ENOPH1: variants seen among roughly 807,000 people sequenced by gnomAD.
The protein encoded by ENOPH1 is enolase-phosphatase 1, also known as enolase-phosphatase E1.
A neutral mutation model predicts 31.1 loss-of-function variants in ENOPH1; 14 were observed. The observed-to-expected ratio is 0.45, with a 90% CI of 0.30 to 0.70. ENOPH1 has a LOEUF of 0.70. Among genes scored for constraint, ENOPH1 ranks in the 30% least tolerant of loss-of-function variants. ENOPH1 has a pLI of 0.09. For synonymous variants in ENOPH1, 127 were observed against 123.2 expected (o/e 1.03, Z -0.21); for missense variants, 243 against 321.5 (o/e 0.76, Z 1.87).
chr4:82,460,689 C>T lies in ENOPH1; in HGVS notation c.*569C>T, dbSNP rs1220790845. On this transcript the variant is annotated 3_prime_UTR_variant, in exon 6 of 6. Transcript: ENST00000273920. The stretch of plus-strand genomic sequence containing the variant: ...ACTTGAGTCTTGATCAAACAAGTGT[C>T]TTTTACTTAAGAAGAAACTTGGTAA... The T allele has an allele frequency of 6.6e-6, 1 of 152,218 alleles. No individual in the cohort carries two copies. Among genetic ancestry groups the T allele is most frequent in the African/African-American group, 2.4e-5 (1 of 41,448 alleles). The allele number at this position is 152,218 out of a possible 1,614,324, so 9.4% of individuals were successfully genotyped here.
chr4:82,431,836 T>C (rs539660128), intron 1 of ENOPH1, among the ~76,000 whole-genome samples: 2 of 152,220 alleles, frequency 1.3e-5, no homozygotes, highest in African/African-American at 4.8e-5. Context: ...GAAAAATCCA[T>C]CTTCCAAGAA....
At chr4:82,440,933 G>C (rs191970058) in intron 1 of ENOPH1, among the ~76,000 whole-genome samples, 13 of 152,264 alleles carry the variant, frequency 8.5e-5, no homozygotes, top group Middle Eastern at 3.4e-3. Context: ...AGGACAGTAG[G>C]ATTTTAATTC....
chr4:82,434,203 G>C (rs189036213), intron 1 of ENOPH1, among the ~76,000 whole-genome samples: 3 of 152,238 alleles, frequency 2.0e-5, no homozygotes, highest in Admixed American at 1.3e-4. Flanking sequence ...TGTTTGTCCT[G>C]TCTCCTTTGC....
intron 1 of ENOPH1, among the ~76,000 whole-genome samples, chr4:82,432,286 A>G (rs1407093183): frequency 5.3e-5 from 8 of 152,204 alleles, no homozygotes; most frequent in Non-Finnish European, 7.3e-5. Flanking sequence ...TAGAAGAATC[A>G]CAGTACCTTG....
chr4:82,439,182 T>C (rs1721980915), intron 1 of ENOPH1, among the ~76,000 whole-genome samples: 1 of 152,218 alleles, frequency 6.6e-6, no homozygotes. Flanking sequence ...AAAGGGGTTG[T>C]TTGCCTTCTA....
At chr4:82,459,112 C>A (rs751511442) in intron 5 of ENOPH1, among the ~76,000 whole-genome samples, 3 of 152,110 alleles carry the variant, frequency 2.0e-5, no homozygotes, top group African/African-American at 7.2e-5. Flanking sequence ...AGATTTCTCA[C>A]CAGTTTTGTT....
At chr4:82,455,679 G>A (rs1482347631) in intron 4 of ENOPH1, among the ~76,000 whole-genome samples, 3 of 151,946 alleles carry the variant, frequency 2.0e-5, no homozygotes, top group East Asian at 1.9e-4. Flanking sequence ...CCAGCTACTC[G>A]GGAGGCTGAG....
At chr4:82,433,310 A>G (rs1049152367) in intron 1 of ENOPH1, among the ~76,000 whole-genome samples, 5 of 152,162 alleles carry the variant, frequency 3.3e-5, no homozygotes, top group Non-Finnish European at 7.3e-5. Context: ...ACTTCTTGGA[A>G]TCTTTGTGTC....
chr4:82,453,152 T>C (rs1367738161), intron 3 of ENOPH1, among the ~76,000 whole-genome samples: 1 of 152,164 alleles, frequency 6.6e-6, no homozygotes, highest in Non-Finnish European at 1.5e-5. Flanking sequence ...CCGCCCCCCC[T>C]TGGCCTCCCA....
chr4:82,459,837 T>A (rs1722598959), intron 5 of ENOPH1, 144 bp from the exon 6 acceptor site: 1 of 735,822 alleles, frequency 1.4e-6, no homozygotes, highest in African/African-American at 1.8e-5. Context: ...AACCCCAGGG[T>A]GCCCATCTTT....
chr4:82,442,357 TA>T (rs933623492), intron 1 of ENOPH1, among the ~76,000 whole-genome samples: 1 of 152,052 alleles, frequency 6.6e-6, no homozygotes, highest in African/African-American at 2.4e-5. Flanking sequence ...CCATCTCTAC[TA>T]AAAATGCAAA....
At chr4:82,459,534 G>T (rs1722584962) in intron 5 of ENOPH1, among the ~76,000 whole-genome samples, 1 of 151,932 alleles carries the variant, frequency 6.6e-6, no homozygotes, top group South Asian at 2.1e-4. Flanking sequence ...CTCAAGTCTG[G>T]CGTTCAAGTG....
intron 1 of ENOPH1, among the ~76,000 whole-genome samples, chr4:82,441,922 T>A (rs60471886): frequency 0.022 from 3,280 of 152,278 alleles, 122 homozygotes; most frequent in African/African-American, 0.074. Context: ...CAGAGAAAGA[T>A]GCTAGGTGAC....
At chr4:82,444,124 C>T (rs887943517) in intron 1 of ENOPH1, among the ~76,000 whole-genome samples, 1 of 152,252 alleles carries the variant, frequency 6.6e-6, no homozygotes, top group Non-Finnish European at 1.5e-5. Flanking sequence ...ATCCACCTGC[C>T]TCGGCCTCCC....
At chr4:82,431,951 C>G (rs1721777883) in intron 1 of ENOPH1, among the ~76,000 whole-genome samples, 1 of 149,310 alleles carries the variant, frequency 6.7e-6, no homozygotes, top group South Asian at 2.1e-4. Context: ...TCACTCTGTT[C>G]CCAGGCTGGA....
rs564781487 is a variant in ENOPH1, at chr4:82,441,590, C to T, written c.85-6330C>T. Among the ~76,000 whole-genome samples, 19 of 152,134 alleles carry T rather than the reference C, an allele frequency of 1.2e-4. No individual in the cohort carries two copies. In the East Asian group the frequency reaches 3.1e-3, roughly 25 times the overall value. On this transcript the variant is annotated intron_variant, in intron 1 of 5. Transcript: ENST00000273920. ...CAGAGCTTGCAGTGAGCTGAGATGG[C>T]GCCACTGCACTCCAGCCTGGGCGAC... is the stretch of plus-strand genomic sequence containing the variant.
intron 5 of ENOPH1, among the ~76,000 whole-genome samples, chr4:82,457,298 C>T (rs1722515279): frequency 6.6e-6 from 1 of 151,906 alleles, no homozygotes; most frequent in South Asian, 2.1e-4. Context: ...ATTGCTTGAA[C>T]CCAGGAGTTC....
chr4:82,447,290 A>G (rs1722220525), intron 1 of ENOPH1, among the ~76,000 whole-genome samples: 1 of 152,182 alleles, frequency 6.6e-6, no homozygotes, highest in African/African-American at 2.4e-5. Flanking sequence ...CCAGCTGCAT[A>G]TCACTTTCTT....
At chr4:82,448,051 G>C (rs776135961) in intron 2 of ENOPH1, 30 bp downstream of exon 2, 1 of 1,487,046 alleles carries the variant, frequency 6.7e-7, no homozygotes, top group Non-Finnish European at 9.3e-7. Flanking sequence ...AAATTCCCAA[G>C]TGTCTTAGAA....
Sources: allele counts gnomAD v4.1 joint callset (sites outside exome capture counted in the v4.1 genomes callset), GRCh38; gene constraint gnomAD v4.1.1; transcripts MANE v1.5; gene names NCBI Gene and HGNC (gene_info 2026-07-23, HGNC 2026-07-21).